Variants in CALD1 observed in about 807,000 individuals in gnomAD.
The protein encoded by CALD1 is caldesmon.
A neutral mutation model predicts 99.9 loss-of-function variants in CALD1; 33 were observed. The observed-to-expected ratio is 0.33, with a 90% CI of 0.25 to 0.44. The LOEUF (loss-of-function observed/expected upper bound fraction) is 0.44. CALD1 is among the 20% of genes least tolerant of loss of function. The pLI, the probability that CALD1 is intolerant of heterozygous loss-of-function variation, is 1.00. For synonymous variants in CALD1, 310 were observed against 325.0 expected, an observed-to-expected ratio of 0.95 and a Z score of 0.50; for missense variants, 861 against 962.1, an observed-to-expected ratio of 0.89 and a Z score of 1.39.
intron 9 of CALD1, among the ~76,000 whole-genome samples, chr7:134,956,449 G>C (rs1244521701): frequency 6.6e-6 from 1 of 152,152 alleles, no homozygotes; most frequent in Non-Finnish European, 1.5e-5. Flanking sequence ...AATGGGATTA[G>C]TGCCCTTGTA....
intron 3 of CALD1, among the ~76,000 whole-genome samples, chr7:134,916,635 T>G (rs1804225635): frequency 6.6e-6 from 1 of 152,262 alleles, no homozygotes; most frequent in Admixed American, 6.5e-5. Flanking sequence ...TCCATTGGCA[T>G]GTCTGCAATA....
chr7:134,809,436 GGTGA>G (rs1435099281), intron 1 of CALD1, among the ~76,000 whole-genome samples: 3 of 152,130 alleles, frequency 2.0e-5, no homozygotes, highest in African/African-American at 7.2e-5. Flanking sequence ...AAAAGATAGG[GGTGA>G]GGGGTGGGAG....
upstream of CALD1, among the ~76,000 whole-genome samples, chr7:134,774,969 CTCAAATTTATTAGTCTTT>C (rs1192577081): frequency 6.6e-6 from 1 of 152,100 alleles, no homozygotes; most frequent in Non-Finnish European, 1.5e-5. Context: ...TAACCATATC[CTCAAATTTATTAGTCTTT>C]TCATTTGTTA....
the CALD1 span, among the ~76,000 whole-genome samples, chr7:134,723,770 T>C: frequency 6.6e-6 from 1 of 152,074 alleles, no homozygotes; most frequent in African/African-American, 2.4e-5. Flanking sequence ...TGTTCCACAA[T>C]GCAAAGAATG....
rs566396902 is a variant in CALD1 at position 134,947,484 on chromosome 7, C to T, written c.1533-24C>T. 2.4e-4 allele frequency: 379 copies of T among 1,561,114 alleles called. 4 individuals are homozygous for T. The Middle Eastern group carries it at 3.2e-3, about 13-fold the overall frequency. ...ACTACAGGCAAAAGCATGTAAACCC[C>T]TTTCCATTGCCCCCCAACCACAGCC... is the stretch of plus-strand genomic sequence containing the variant. On this transcript the variant is annotated intron_variant, in intron 7 of 14. Transcript: ENST00000361675.
intron 2 of CALD1, among the ~76,000 whole-genome samples, chr7:134,855,436 A>G (rs1328354720): frequency 6.6e-6 from 1 of 152,258 alleles, no homozygotes; most frequent in East Asian, 1.9e-4. Context: ...ATTCGTTTAC[A>G]AGAGGTGCAA....
chr7:134,728,493 G>A, the CALD1 span, among the ~76,000 whole-genome samples: 5 of 152,198 alleles, frequency 3.3e-5, no homozygotes, highest in Non-Finnish European at 7.3e-5. Context: ...ACAAGTGTAG[G>A]CTACAGTCTG....
intron 3 of CALD1, among the ~76,000 whole-genome samples, chr7:134,881,245 C>T (rs2132426758): frequency 6.6e-6 from 1 of 152,312 alleles, no homozygotes; most frequent in East Asian, 1.9e-4. Context: ...TGTCCAAGAG[C>T]ACACAGTCAG....
intron 1 of CALD1, among the ~76,000 whole-genome samples, chr7:134,761,944 C>A (rs1796782250): frequency 6.6e-6 from 1 of 152,118 alleles, no homozygotes; most frequent in South Asian, 2.1e-4. Flanking sequence ...CAGGAACGGA[C>A]CTGGGAACCC....
At chr7:134,883,094 A>G (rs1801682922) in intron 3 of CALD1, among the ~76,000 whole-genome samples, 1 of 152,234 alleles carries the variant, frequency 6.6e-6, no homozygotes, top group African/African-American at 2.4e-5. Context: ...GAACACTCAA[A>G]GTACGTAAAC....
At chr7:134,802,120 ATAT>A (rs1797968620) in intron 1 of CALD1, among the ~76,000 whole-genome samples, 1 of 152,126 alleles carries the variant, frequency 6.6e-6, no homozygotes, top group Non-Finnish European at 1.5e-5. Context: ...GTATATATAT[ATAT>A]ATGTATGTCT....
intron 3 of CALD1, chr7:134,868,217 G>C (rs1282447907): frequency 6.4e-6 from 1 of 156,064 alleles, no homozygotes; most frequent in Admixed American, 6.3e-5. Flanking sequence ...AAGGCAAAAA[G>C]CCCTGGATGA....
chr7:134,949,716 C>T (rs1033734011), intron 8 of CALD1, among the ~76,000 whole-genome samples: 1 of 152,046 alleles, frequency 6.6e-6, no homozygotes, highest in Non-Finnish European at 1.5e-5. Flanking sequence ...TTTACATATA[C>T]AGAAGTGTGA....
chr7:134,717,677 A>G, the CALD1 span, among the ~76,000 whole-genome samples: 1 of 152,336 alleles, frequency 6.6e-6, no homozygotes, highest in East Asian at 1.9e-4. Flanking sequence ...GTTTGACTCC[A>G]TGATAGGGAA....
intron 3 of CALD1, among the ~76,000 whole-genome samples, chr7:134,922,990 A>G (rs968772489): frequency 1.3e-5 from 2 of 152,172 alleles, no homozygotes; most frequent in Non-Finnish European, 2.9e-5. Flanking sequence ...AGAAAAGCCA[A>G]TCCTCTCTAC....
chr7:134,881,530 T>C (rs1801601081), intron 3 of CALD1, among the ~76,000 whole-genome samples: 1 of 72,024 alleles, frequency 1.4e-5, no homozygotes, highest in South Asian at 4.2e-4. Flanking sequence ...TCATCGAAAG[T>C]ATAAAGGGTA....
the CALD1 span, among the ~76,000 whole-genome samples, chr7:134,716,238 C>T: frequency 6.6e-6 from 1 of 152,116 alleles, no homozygotes; most frequent in African/African-American, 2.4e-5. Context: ...ATGGAATGTA[C>T]CATCAGGGGT....
intron 2 of CALD1, among the ~76,000 whole-genome samples, chr7:134,866,434 A>G: frequency 6.6e-6 from 1 of 152,198 alleles, no homozygotes; most frequent in Admixed American, 6.5e-5. Context: ...CTAGAGGATA[A>G]AAAAGGGGAA....
chr7:134,740,802 C>T (rs62462507), upstream of CALD1, among the ~76,000 whole-genome samples: 20,234 of 152,230 alleles, frequency 0.13, 1,555 homozygotes, highest in Non-Finnish European at 0.17. Context: ...GGTCTGTCTT[C>T]TCCACTAGAC....
Sources: gnomAD v4.1 joint callset for allele counts (sites outside exome capture counted in the v4.1 genomes callset) on GRCh38, gnomAD v4.1.1 for gene constraint, MANE v1.5 for transcripts, NCBI Gene and HGNC (gene_info 2026-07-23, HGNC 2026-07-21) for gene names.